Variants in LARP1B observed in about 807,000 individuals in gnomAD.
LARP1B encodes the protein La ribonucleoprotein 1B, also known as la-related protein 1B.
In LARP1B, 76 loss-of-function variants were observed where a neutral mutation model predicts 114.2. That is an observed-to-expected ratio of 0.67 (90% CI 0.55 to 0.81). LARP1B has a LOEUF of 0.81. Ranked by LOEUF, LARP1B falls within the 30% of genes least tolerant of loss-of-function variation. LARP1B has a pLI of 0.00. For synonymous variants in LARP1B, 345 were observed against 348.0 expected (o/e 0.99, Z 0.10); for missense variants, 1,014 against 1,075.8 (o/e 0.94, Z 0.80).
intron 1 of LARP1B, among the ~76,000 whole-genome samples, chr4:128,064,368 GTT>G (rs1211218883): frequency 1.3e-5 from 2 of 151,188 alleles, no homozygotes; most frequent in African/African-American, 2.4e-5. Context: ...GGAGATATGT[GTT>G]GAGTTAATTC....
At position 128,210,382 on chromosome 4, in the gene LARP1B, T is replaced by C; in HGVS notation, c.*329T>C. The C allele has an allele frequency of 9.3e-7, 1 of 1,080,004 alleles. No individual in the cohort carries two copies. Among genetic ancestry groups the C allele is most frequent in the South Asian group, 3.2e-5 (1 of 31,438 alleles). The allele number at this position is 1,080,004 out of a possible 1,614,324, so 66.9% of individuals were successfully genotyped here. ...TTTTACAAAAACAGCATTCCTTAAA[T>C]ATATTTAAAAAACAATACAAGGAAT... On this transcript the variant is annotated 3_prime_UTR_variant, in exon 20 of 20. Coordinates refer to ENST00000326639, the MANE Select transcript of LARP1B (RefSeq NM_018078.4).
At chr4:128,201,140 A>T (rs572433094) in intron 17 of LARP1B, among the ~76,000 whole-genome samples, 4 of 152,312 alleles carry the variant, frequency 2.6e-5, no homozygotes, top group African/African-American at 9.6e-5. Flanking sequence ...TTCACCCTGA[A>T]TGAGTAGAGC....
chr4:128,142,602 G>T (rs1423115651), intron 11 of LARP1B, among the ~76,000 whole-genome samples: 1 of 151,134 alleles, frequency 6.6e-6, no homozygotes, highest in African/African-American at 2.4e-5. Context: ...TCTGCCTCCC[G>T]GGTTCAAGCT....
At chr4:128,195,294 A>G (rs540462120) in intron 15 of LARP1B, among the ~76,000 whole-genome samples, 26 of 152,330 alleles carry the variant, frequency 1.7e-4, no homozygotes, top group Non-Finnish European at 2.9e-4. Flanking sequence ...AGTATTCGAT[A>G]TTAATTTTAT....
At chr4:128,098,470 A>G (rs973992301) in intron 8 of LARP1B, 140 bp downstream of exon 8, 31 of 634,982 alleles carry the variant, frequency 4.9e-5, no homozygotes, top group African/African-American at 1.7e-4. Flanking sequence ...ATGTTTTTCT[A>G]TTTTGTAAAA....
rs61571039 is a variant in LARP1B, at chr4:128,099,715, TACACAC to T, written c.813+1401_813+1406del. Among the ~76,000 whole-genome samples the T allele has an allele frequency of 5.9e-5, 9 of 151,316 alleles. No individual in the cohort carries two copies. In the South Asian group the frequency reaches 1.3e-3, roughly 21 times the overall value. On this transcript the variant is annotated intron_variant, in intron 8 of 19. Transcript: ENST00000326639. ...GAAGATCTTTATAGGGATATATATA[TACACAC>T]ACACACACACACACATATATATTTC...
chr4:128,187,324 C>T (rs1256358205), intron 15 of LARP1B, among the ~76,000 whole-genome samples: 1 of 152,218 alleles, frequency 6.6e-6, no homozygotes, highest in African/African-American at 2.4e-5. Context: ...ATGGAGCTGC[C>T]CAAGGCTTTG....
intron 11 of LARP1B, among the ~76,000 whole-genome samples, chr4:128,154,374 A>C (rs1008438217): frequency 1.3e-5 from 2 of 152,172 alleles, no homozygotes; most frequent in Non-Finnish European, 2.9e-5. Context: ...TCATCGTAAA[A>C]TATAAATATG....
intron 7 of LARP1B, among the ~76,000 whole-genome samples, chr4:128,097,176 G>A (rs1432640831): frequency 6.6e-6 from 1 of 152,202 alleles, no homozygotes; most frequent in Non-Finnish European, 1.5e-5. Flanking sequence ...GGGGTTACAG[G>A]CGTGAGCCAC....
intron 11 of LARP1B, among the ~76,000 whole-genome samples, chr4:128,132,643 T>A (rs1382517803): frequency 6.6e-6 from 1 of 152,076 alleles, no homozygotes; most frequent in Non-Finnish European, 1.5e-5. Context: ...TGAAGCATTA[T>A]GAAGACAGTA....
intron 10 of LARP1B, among the ~76,000 whole-genome samples, chr4:128,118,140 A>C (rs933968995): frequency 4.3e-5 from 5 of 117,590 alleles, no homozygotes; most frequent in African/African-American, 1.7e-4. Context: ...TGCCCAGGCT[A>C]GTCTTGAACT....
At chr4:128,098,145 C>A in intron 7 of LARP1B, 41 bp from the exon 8 acceptor site, 1 of 1,443,910 alleles carries the variant, frequency 6.9e-7, no homozygotes, top group Non-Finnish European at 9.7e-7. Flanking sequence ...ATATTTATTT[C>A]CTACTAAATA....
chr4:128,087,212 C>T (rs1426509694), intron 5 of LARP1B, among the ~76,000 whole-genome samples: 1 of 152,146 alleles, frequency 6.6e-6, no homozygotes, highest in East Asian at 1.9e-4. Context: ...CGATCCACCG[C>T]ATCCGGCCCA....
chr4:128,185,962 C>G (rs995804923), intron 15 of LARP1B, among the ~76,000 whole-genome samples: 2 of 152,000 alleles, frequency 1.3e-5, no homozygotes, highest in Admixed American at 1.3e-4. Flanking sequence ...GTTCTTGGTA[C>G]CTTTGTCAAA....
intron 11 of LARP1B, among the ~76,000 whole-genome samples, chr4:128,127,970 TAAAC>T (rs1320651950): frequency 6.6e-6 from 1 of 152,150 alleles, no homozygotes; most frequent in African/African-American, 2.4e-5. Flanking sequence ...AGCCCAGAAA[TAAAC>T]ATGTCTATTT....
Position 128,192,674 on chromosome 4 carries a change from C to A in LARP1B, c.2004-6765C>A, listed in dbSNP as rs140985050. On this transcript the variant is annotated intron_variant, in intron 15 of 19. Transcript: ENST00000326639. ...TTTGTACCATCATAAACCTGAAAAA[C>A]CGTAAGTGAAACCATCTTTTAAGTT... Among the ~76,000 whole-genome samples the A allele has an allele frequency of 9.9e-5, 15 of 152,270 alleles. No homozygotes were observed. The East Asian group carries it at 2.7e-3, about 27-fold the overall frequency.
intron 11 of LARP1B, among the ~76,000 whole-genome samples, chr4:128,129,574 A>T (rs966564541): frequency 6.6e-6 from 1 of 152,180 alleles, no homozygotes; most frequent in African/African-American, 2.4e-5. Context: ...AAAAACCCAG[A>T]ATAGCTAATA....
chr4:128,096,045 G>C (rs1024509641), intron 7 of LARP1B, among the ~76,000 whole-genome samples: 2 of 145,726 alleles, frequency 1.4e-5, no homozygotes, highest in South Asian at 4.3e-4. Context: ...CCAGGCTGGA[G>C]TGCAGTGGCA....
At chr4:128,168,861 T>G (rs1742296649) in intron 12 of LARP1B, among the ~76,000 whole-genome samples, 1 of 152,104 alleles carries the variant, frequency 6.6e-6, no homozygotes, top group South Asian at 2.1e-4. Flanking sequence ...TGTTCCTTCT[T>G]TTGTATTTTG....
Sources: gnomAD v4.1 joint callset for allele counts (sites outside exome capture counted in the v4.1 genomes callset) on GRCh38, gnomAD v4.1.1 for gene constraint, MANE v1.5 for transcripts, NCBI Gene and HGNC (gene_info 2026-07-23, HGNC 2026-07-21) for gene names.